HMX1: variants seen among roughly 807,000 people sequenced by gnomAD.
HMX1 encodes homeobox protein HMX1.
Under a neutral mutation model 8.9 loss-of-function variants are expected in HMX1, and 8 were observed. That is an observed-to-expected ratio of 0.90 (90% CI 0.53 to 1.63). The LOEUF is 1.63. Ranked by LOEUF, HMX1 falls within the 40% of genes most tolerant of loss-of-function variation. HMX1 has a pLI of 0.00. For missense variants in HMX1, 621 were observed against 558.5 expected, an observed-to-expected ratio of 1.11 and a Z score of -1.13; for synonymous variants, 311 against 283.4, an observed-to-expected ratio of 1.10 and a Z score of -0.98.
chr4:8,863,670 C>T (rs1383247275), downstream of HMX1, among the ~76,000 whole-genome samples: 1 of 152,254 alleles, frequency 6.6e-6, no homozygotes, highest in African/African-American at 2.4e-5. Context: ...GCCTGGGTAC[C>T]TGCCTGTCTC....
chr4:8,866,887 C>T (rs1722015092), downstream of HMX1, among the ~76,000 whole-genome samples: 1 of 152,166 alleles, frequency 6.6e-6, no homozygotes, highest in Non-Finnish European at 1.5e-5. Context: ...AGGGGCACAG[C>T]GCTCATCACC....
exon 2 of HMX1, chr4:8,846,270 C>G (rs1187539627): frequency 6.5e-7 from 1 of 1,535,262 alleles, no homozygotes; most frequent in Non-Finnish European, 8.7e-7. Flanking sequence ...TTTATCAGCT[C>G]TGGTCACCTG....
In HMX1 at chr4:8,871,205, C is replaced by G. The variant is rs900051324; in HGVS notation, c.394+16G>C. On this transcript the variant is annotated intron_variant, in intron 1 of 1. Transcript: ENST00000400677. The surrounding 1 kb of genome is among the most constrained non-coding windows in gnomAD (Gnocchi z 4.8). ...GGCCCCACCGCCTGACCCACCCTCC[C>G]CGCGCCCTCACTCACTGTCAGGACT... 3.5e-6 allele frequency: 5 copies of G among 1,417,682 alleles called. No individual in the cohort carries two copies. Among genetic ancestry groups the G allele is most frequent in the Non-Finnish European group, 4.6e-6 (5 of 1,093,598 alleles). 87.8% of individuals were successfully genotyped at this position (1,417,682 alleles called of 1,614,324 possible).
At chr4:8,852,120 G>A (rs989408938) in intron 1 of HMX1, among the ~76,000 whole-genome samples, 3 of 152,258 alleles carry the variant, frequency 2.0e-5, no homozygotes, top group African/African-American at 4.8e-5. Context: ...TGGGCAAGGA[G>A]AGCGTGATGA....
rs763931313 is a variant in HMX1, at chr4:8,848,553, C to T, written c.395-2229G>A. Among the ~76,000 whole-genome samples, 2 of 152,206 alleles carry T rather than the reference C, an allele frequency of 1.3e-5. No homozygotes were observed. Among genetic ancestry groups the T allele is most frequent in the African/African-American group, 2.4e-5 (1 of 41,448 alleles). ...AGGCCAGAGAAGGCAAGTAAGTTGCCTGGGTCACACAGCATGTGGATGGAG... is the reference window on the plus strand; with the variant it reads ...AGGCCAGAGAAGGCAAGTAAGTTGCTTGGGTCACACAGCATGTGGATGGAG... On this transcript the variant is annotated intron_variant, in intron 1 of 1. Transcript: ENST00000506970. This position sits in a 1 kb window ranked among gnomAD's most constrained non-coding sequence, Gnocchi z 4.1.
chr4:8,871,794 G>C lies in HMX1; in HGVS notation c.-180C>G. 1.3e-6 allele frequency: 1 copy of C among 791,272 alleles called. No individual in the cohort carries two copies. The highest frequency in any genetic ancestry group is 1.5e-6 in the Non-Finnish European group (1 of 651,534). 49.0% of individuals were successfully genotyped at this position (791,272 alleles called of 1,614,324 possible). On this transcript the variant is annotated 5_prime_UTR_variant, in exon 1 of 2. Coordinates refer to ENST00000400677, the MANE Select transcript of HMX1 (RefSeq NM_018942.3). This position sits in a 1 kb window ranked among gnomAD's most constrained non-coding sequence, Gnocchi z 4.8. ...GGCTGGGCTGGGCCGGGCCGGGAGC[G>C]AGTGCGCGCCGACAGCTGATCGGGC...
rs1458137205 is a variant in HMX1 at position 8,871,622 on chromosome 4, G to A, written c.-8C>T. Reference sequence around the variant, plus strand: ...CGTCAGCTCGTCAGGCATCGCGGCCGCGGGCTTCTCGGGCTCGGCCGGGCT... The same window carrying A: ...CGTCAGCTCGTCAGGCATCGCGGCCACGGGCTTCTCGGGCTCGGCCGGGCT... On this transcript the variant is annotated 5_prime_UTR_variant, in exon 1 of 2. Coordinates refer to ENST00000400677, the MANE Select transcript of HMX1 (RefSeq NM_018942.3). The surrounding 1 kb of genome is among the most constrained non-coding windows in gnomAD (Gnocchi z 4.8). 5.5e-6 allele frequency: 7 copies of A among 1,271,110 alleles called. No individual in the cohort carries two copies. The highest frequency in any genetic ancestry group is 3.1e-4 in the Middle Eastern group (1 of 3,206). 78.7% of individuals were successfully genotyped at this position (1,271,110 alleles called of 1,614,324 possible).
In HMX1 at chr4:8,870,749, C is replaced by G. The variant is rs1722184112; in HGVS notation, c.394+472G>C. Among the ~76,000 whole-genome samples, 1 of 151,494 alleles carries G rather than the reference C, an allele frequency of 6.6e-6. No homozygotes were observed. The highest frequency in any genetic ancestry group is 2.4e-5 in the African/African-American group (1 of 41,266). ...CTCCCTTTCCCTCCATCTCTTCCTC[C>G]TCTTTTCTCTCTCGGATCACTCTTG... On this transcript the variant is annotated intron_variant, in intron 1 of 1. Coordinates refer to ENST00000400677, the MANE Select transcript of HMX1 (RefSeq NM_018942.3). This position sits in a 1 kb window ranked among gnomAD's most constrained non-coding sequence, Gnocchi z 4.4.
At chr4:8,846,620 T>A (rs1020997763) in intron 1 of HMX1, among the ~76,000 whole-genome samples, 1 of 152,184 alleles carries the variant, frequency 6.6e-6, no homozygotes. Context: ...AAGTGCCACC[T>A]GCAACCCCAT....
Position 8,871,569 on chromosome 4 carries a change from C to T in HMX1, c.46G>A (p.Ala16Thr), listed in dbSNP as rs1296185069. ...TEPGRATPAR[A>T]SSFLIENLLA... ...AGGTTCTCGATGAGGAAGGAGGAGG[C>T]GCGGGCCGGCGTGGCGCGCCCGGGC... is the stretch of plus-strand genomic sequence containing the variant. The change falls in exon 1 of 2, where the codon GCC (alanine) becomes ACC (threonine). Residue 16 changes from alanine (A) to threonine (T), a missense_variant. By Grantham distance (58) the Ala-to-Thr change is moderately conservative (BLOSUM62 0). Transcript: ENST00000400677. This position sits in a 1 kb window ranked among gnomAD's most constrained non-coding sequence, Gnocchi z 4.8. The T allele has an allele frequency of 5.2e-6, 7 of 1,352,310 alleles. No individual in the cohort carries two copies. The East Asian group carries it at 9.8e-5, about 19-fold the overall frequency. The allele number at this position is 1,352,310 out of a possible 1,614,324, so 83.8% of individuals were successfully genotyped here.
chr4:8,868,401 A>G lies in HMX1; in HGVS notation c.395-56T>C, dbSNP rs1164816178. 6 of 1,243,146 alleles carry G rather than the reference A, an allele frequency of 4.8e-6. No individual in the cohort carries two copies. Among genetic ancestry groups the G allele is most frequent in the Non-Finnish European group, 4.1e-6 (4 of 979,376 alleles). 77.0% of individuals were successfully genotyped at this position (1,243,146 alleles called of 1,614,324 possible). On this transcript the variant is annotated intron_variant, in intron 1 of 1. Coordinates refer to ENST00000400677, the MANE Select transcript of HMX1 (RefSeq NM_018942.3). The surrounding 1 kb of genome is among the most constrained non-coding windows in gnomAD (Gnocchi z 4.6). ...TCTAGGGCACTGATTACCAGACTCA[A>G]TCACTGAGGCCAGCCGTCCCCACCT...
At position 8,849,771 on chromosome 4, in the gene HMX1, G is replaced by A. The variant is rs900670789; in HGVS notation, c.395-3447C>T. On this transcript the variant is annotated intron_variant, in intron 1 of 1. Transcript: ENST00000506970. This position sits in a 1 kb window ranked among gnomAD's most constrained non-coding sequence, Gnocchi z 6.6. ...CTTGCTGGGTAGGGCAGGAAGAAAT[G>A]GGGACCCTCACAGGAGGTCTCTGAG... Among the ~76,000 whole-genome samples, 8 of 152,178 alleles carry A rather than the reference G, an allele frequency of 5.3e-5. No homozygotes were observed. The highest frequency in any genetic ancestry group is 8.8e-5 in the Non-Finnish European group (6 of 68,028).
chr4:8,867,923 G>A lies in HMX1; in HGVS notation c.817C>T (p.Pro273Ser), dbSNP rs1294086743. ...AAELEAASLS[P>S]PGAQRLVRVP... Reference sequence around the variant, plus strand: ...CGGACCAGGCGCTGCGCTCCCGGCGGGGACAGGCTGGCCGCCTCCAGCTCG... The same window carrying A: ...CGGACCAGGCGCTGCGCTCCCGGCGAGGACAGGCTGGCCGCCTCCAGCTCG... Residue 273 changes from proline to serine, a missense_variant, in exon 2 of 2, where the codon CCG becomes TCG. Transcript: ENST00000400677. The A allele has an allele frequency of 1.4e-6, 2 of 1,430,400 alleles. No individual in the cohort carries two copies. The highest frequency in any genetic ancestry group is 2.4e-5 in the Admixed American group (1 of 41,054). 88.6% of individuals were successfully genotyped at this position (1,430,400 alleles called of 1,614,324 possible).
At chr4:8,856,443 C>T (rs561572198) in intron 1 of HMX1, among the ~76,000 whole-genome samples, 3 of 151,954 alleles carry the variant, frequency 2.0e-5, no homozygotes, top group African/African-American at 7.2e-5. Context: ...TGCTGAGTAG[C>T]TCTGGTACAA....
chr4:8,861,667 G>A (rs1485248475), intron 1 of HMX1, among the ~76,000 whole-genome samples: 3 of 151,446 alleles, frequency 2.0e-5, no homozygotes, highest in African/African-American at 7.4e-5. Context: ...CTTCCCGGGC[G>A]GTTGGCGAAA....
downstream of HMX1, among the ~76,000 whole-genome samples, chr4:8,862,974 A>G (rs1313068765): frequency 2.0e-5 from 3 of 152,126 alleles, no homozygotes; most frequent in African/African-American, 4.8e-5. Context: ...CCTCCAGGGC[A>G]GTCATTCATT....
intron 1 of HMX1, among the ~76,000 whole-genome samples, chr4:8,859,545 G>A (rs1454628275): frequency 1.3e-5 from 2 of 152,156 alleles, no homozygotes; most frequent in Admixed American, 6.5e-5. Context: ...GGGAGAGGAG[G>A]ATTGAGGAAG....
chr4:8,870,166 C>T lies in HMX1; in HGVS notation c.394+1055G>A, dbSNP rs1014632309. ...CAGAGGACAGCATGGATCCCAGAGC[C>T]GGAGCCTGCAGAGGGCCCACGTCCT... On this transcript the variant is annotated intron_variant, in intron 1 of 1. Coordinates refer to ENST00000400677, the MANE Select transcript of HMX1 (RefSeq NM_018942.3). This position sits in a 1 kb window ranked among gnomAD's most constrained non-coding sequence, Gnocchi z 4.4. Among the ~76,000 whole-genome samples the T allele has an allele frequency of 1.3e-4, 20 of 151,818 alleles. No homozygotes were observed. Among genetic ancestry groups the T allele is most frequent in the South Asian group, 2.1e-4 (1 of 4,802 alleles).
intron 1 of HMX1, among the ~76,000 whole-genome samples, chr4:8,869,435 G>C (rs1722137732): frequency 6.6e-6 from 1 of 152,254 alleles, no homozygotes; most frequent in South Asian, 2.1e-4. Context: ...TAGAGGTGGA[G>C]GCAGAGTTTG....
Sources: gnomAD v4.1 joint callset for allele counts (sites outside exome capture counted in the v4.1 genomes callset) on GRCh38, gnomAD v4.1.1 for gene constraint, Gnocchi (gnomAD v3.1) non-coding constraint, MANE v1.5 for transcripts, NCBI Gene and HGNC (gene_info 2026-07-23, HGNC 2026-07-21) for gene names.